CTNNA3: variants seen among roughly 807,000 people sequenced by gnomAD.
CTNNA3 encodes the protein catenin alpha-3.
Under a neutral mutation model 95.7 loss-of-function variants are expected in CTNNA3, and 76 were observed. The observed-to-expected ratio is 0.79, with a 90% confidence interval of 0.66 to 0.96. The LOEUF (loss-of-function observed/expected upper bound fraction) is 0.96. Among genes scored for constraint, CTNNA3 ranks in the 40% least tolerant of loss-of-function variants. The probability of loss-of-function intolerance (pLI) is 0.00; values close to 1 mark genes in which losing one functional copy is unlikely to be tolerated. For synonymous variants in CTNNA3, 431 were observed against 374.4 expected (o/e 1.15, Z -1.74); for missense variants, 1,191 against 1,089.8 (o/e 1.09, Z -1.31).
chr10:66,418,750 A>G (rs2093167123), intron 11 of CTNNA3, among the ~76,000 whole-genome samples: 1 of 152,130 alleles, frequency 6.6e-6, no homozygotes, highest in Admixed American at 6.5e-5. Context: ...AACATGAAAC[A>G]TCTACAGAAT....
At chr10:66,199,679 G>A (rs2087197501) in intron 13 of CTNNA3, among the ~76,000 whole-genome samples, 1 of 144,994 alleles carries the variant, frequency 6.9e-6, no homozygotes, top group Non-Finnish European at 1.5e-5. Context: ...TCGGCTCACT[G>A]CAACCTTCGC....
intron 11 of CTNNA3, among the ~76,000 whole-genome samples, chr10:66,400,440 T>G (rs560957323): frequency 6.6e-6 from 1 of 152,204 alleles, no homozygotes; most frequent in South Asian, 2.1e-4. Context: ...CTGAGGGGCC[T>G]AATGGCAAAT....
chr10:67,302,453 G>C (rs181545516), intron 5 of CTNNA3, among the ~76,000 whole-genome samples: 74 of 152,280 alleles, frequency 4.9e-4, no homozygotes, highest in African/African-American at 1.8e-3. Context: ...ATAAGTATGT[G>C]AGGTAATGCA....
At chr10:66,980,372 A>T (rs1251274395) in intron 7 of CTNNA3, among the ~76,000 whole-genome samples, 3 of 152,188 alleles carry the variant, frequency 2.0e-5, no homozygotes, top group African/African-American at 7.2e-5. Flanking sequence ...GTTAGCAGCA[A>T]ACTATATAGG....
chr10:67,347,841 A>AAC (rs1308786914), intron 5 of CTNNA3, among the ~76,000 whole-genome samples: 8 of 151,216 alleles, frequency 5.3e-5, no homozygotes, highest in Non-Finnish European at 3.0e-5. Flanking sequence ...TGAAAAAAAA[A>AAC]AAAAAAACAC....
At chr10:66,109,024 A>T (rs1308757045) in intron 13 of CTNNA3, among the ~76,000 whole-genome samples, 1 of 152,202 alleles carries the variant, frequency 6.6e-6, no homozygotes, top group East Asian at 1.9e-4. Context: ...AGGACTAAAA[A>T]GTTTATGATT....
intron 10 of CTNNA3, among the ~76,000 whole-genome samples, chr10:66,523,641 G>A (rs2132028568): frequency 6.6e-6 from 1 of 152,118 alleles, no homozygotes; most frequent in South Asian, 2.1e-4. Flanking sequence ...AATTATGGTT[G>A]AAATATTTAC....
chr10:67,325,564 T>A (rs1003741126), intron 5 of CTNNA3, among the ~76,000 whole-genome samples: 1 of 152,224 alleles, frequency 6.6e-6, no homozygotes, highest in Non-Finnish European at 1.5e-5. Flanking sequence ...TAGTCTTGAT[T>A]TCTCATTTTA....
At chr10:67,634,478 ATTAACC>A (rs1308347049) in intron 2 of CTNNA3, among the ~76,000 whole-genome samples, 1 of 152,230 alleles carries the variant, frequency 6.6e-6, no homozygotes, top group African/African-American at 2.4e-5. Context: ...ACACAACAAG[ATTAACC>A]TTAAATGTAA....
intron 12 of CTNNA3, among the ~76,000 whole-genome samples, chr10:66,341,636 T>A (rs2092453973): frequency 6.6e-6 from 1 of 151,914 alleles, no homozygotes. Flanking sequence ...GTTATCTTCT[T>A]AATTGAGTCA....
intron 12 of CTNNA3, among the ~76,000 whole-genome samples, chr10:66,373,836 A>G (rs2092772337): frequency 6.6e-6 from 1 of 152,218 alleles, no homozygotes; most frequent in South Asian, 2.1e-4. Flanking sequence ...TGAATACACA[A>G]TATTCATGAT....
intron 1 of CTNNA3, among the ~76,000 whole-genome samples, chr10:67,730,111 C>T (rs1028691709): frequency 6.6e-6 from 1 of 152,160 alleles, no homozygotes; most frequent in Non-Finnish European, 1.5e-5. Flanking sequence ...ACACTCCCTT[C>T]TCTTGTGGAG....
chr10:66,873,911 A>T (rs1230097786), intron 7 of CTNNA3, among the ~76,000 whole-genome samples: 1 of 152,154 alleles, frequency 6.6e-6, no homozygotes, highest in Non-Finnish European at 1.5e-5. Context: ...CTTCTTGATG[A>T]AAGGATGAGT....
intron 7 of CTNNA3, among the ~76,000 whole-genome samples, chr10:66,906,161 G>GGTGAATCAGGCCAACCACACTTAAATC (rs1845979910): frequency 1.3e-5 from 2 of 152,128 alleles, no homozygotes. Flanking sequence ...CTTGATAATG[G>GGTGAATCAGGCCAACCACACTTAAATC]GTGAATCAGG....
chr10:66,863,583 G>A (rs1258169362), intron 7 of CTNNA3, among the ~76,000 whole-genome samples: 1 of 151,400 alleles, frequency 6.6e-6, no homozygotes, highest in Non-Finnish European at 1.5e-5. Flanking sequence ...CAGGCCTTTT[G>A]TCCTTGGGCC....
At chr10:65,949,803 G>T (rs2077579682) in intron 17 of CTNNA3, among the ~76,000 whole-genome samples, 1 of 152,022 alleles carries the variant, frequency 6.6e-6, no homozygotes, top group Admixed American at 6.6e-5. Flanking sequence ...AGTGACTCCT[G>T]CTTGGCTGAC....
intron 6 of CTNNA3, among the ~76,000 whole-genome samples, chr10:67,184,211 T>A (rs1025228358): frequency 1.5e-4 from 23 of 152,194 alleles, no homozygotes; most frequent in African/African-American, 5.3e-4. Context: ...ACAGACAAAA[T>A]GTCTTGAGAA....
intron 14 of CTNNA3, among the ~76,000 whole-genome samples, chr10:66,083,372 T>C (rs956223001): frequency 2.0e-5 from 3 of 152,180 alleles, no homozygotes; most frequent in Non-Finnish European, 2.9e-5. Flanking sequence ...CCAAGCAGCC[T>C]ATGCTAGTCT....
At chr10:66,487,103 T>TC (rs1426281472) in intron 11 of CTNNA3, among the ~76,000 whole-genome samples, 2 of 150,892 alleles carry the variant, frequency 1.3e-5, no homozygotes, top group Admixed American at 1.3e-4. Context: ...GACGAATAAG[T>TC]TCAGGGAATC....
Sources: allele counts gnomAD v4.1 joint callset (sites outside exome capture counted in the v4.1 genomes callset), GRCh38; gene constraint gnomAD v4.1.1; transcripts MANE v1.5; gene names NCBI Gene and HGNC (gene_info 2026-07-23, HGNC 2026-07-21).